PRKCH: variants seen among roughly 807,000 people sequenced by gnomAD.
The protein encoded by PRKCH is protein kinase C eta.
In PRKCH, 28 loss-of-function variants were observed where a neutral mutation model predicts 82.5. The observed-to-expected ratio is 0.34, with a 90% confidence interval of 0.25 to 0.47. PRKCH has a LOEUF of 0.47. Among genes scored for constraint, PRKCH ranks in the 20% least tolerant of loss-of-function variants. PRKCH has a pLI of 1.00. For missense variants in PRKCH, 705 were observed against 881.8 expected (o/e 0.80, Z 2.54); for synonymous variants, 322 against 327.4 (o/e 0.98, Z 0.18).
intron 10 of PRKCH, among the ~76,000 whole-genome samples, chr14:61,503,220 C>G (rs1886996559): frequency 6.6e-6 from 1 of 150,968 alleles, no homozygotes; most frequent in Admixed American, 6.6e-5. Flanking sequence ...TTCTCATTTG[C>G]AAATAGACAG....
At chr14:61,319,669 A>T (rs2045591919), upstream of PRKCH, among the ~76,000 whole-genome samples, 1 of 152,198 alleles carries the variant, frequency 6.6e-6, no homozygotes, top group Non-Finnish European at 1.5e-5. Flanking sequence ...GTGGCTCTTA[A>T]AGCTAGAGTT....
intron 1 of PRKCH, chr14:61,327,135 G>A (rs1321658507): frequency 2.2e-6 from 1 of 455,894 alleles, no homozygotes. Flanking sequence ...AAGACATTGT[G>A]TTCTCTGCAG....
intron 7 of PRKCH, among the ~76,000 whole-genome samples, chr14:61,454,160 G>A (rs191572398): frequency 6.6e-6 from 1 of 151,116 alleles, no homozygotes; most frequent in African/African-American, 2.4e-5. Flanking sequence ...CCAGCCTGGA[G>A]TGCAGTGATA....
chr14:61,240,648 G>A (rs969823768), intron 1 of PRKCH, among the ~76,000 whole-genome samples: 4 of 150,934 alleles, frequency 2.7e-5, no homozygotes, highest in Non-Finnish European at 4.4e-5. Context: ...AAGTTCCACC[G>A]AGAACCTTCA....
chr14:61,414,832 A>G (rs561213602), intron 2 of PRKCH, among the ~76,000 whole-genome samples: 26 of 152,276 alleles, frequency 1.7e-4, no homozygotes, highest in Admixed American at 7.8e-4. Flanking sequence ...ACTCTTGAAT[A>G]TGAAATGTTG....
At chr14:61,434,059 C>G (rs1325680931) in intron 2 of PRKCH, among the ~76,000 whole-genome samples, 1 of 152,154 alleles carries the variant, frequency 6.6e-6, no homozygotes, top group East Asian at 1.9e-4. Context: ...TACGTTGTTC[C>G]CTTACATTGC....
intron 1 of PRKCH, among the ~76,000 whole-genome samples, chr14:61,376,788 G>C (rs2046433210): frequency 6.6e-6 from 1 of 152,108 alleles, no homozygotes; most frequent in South Asian, 2.1e-4. Flanking sequence ...TTCTTAACTT[G>C]GCATCCAAAC....
At chr14:61,266,404 C>T (rs1057134681) in intron 1 of PRKCH, among the ~76,000 whole-genome samples, 7 of 151,872 alleles carry the variant, frequency 4.6e-5, no homozygotes, top group African/African-American at 1.5e-4. Flanking sequence ...GGCAACAGAG[C>T]GAGACTCCAT....
chr14:61,237,770 T>C (rs538650575), intron 1 of PRKCH, among the ~76,000 whole-genome samples: 4 of 152,352 alleles, frequency 2.6e-5, no homozygotes, highest in African/African-American at 9.6e-5. Flanking sequence ...TATTGATTGA[T>C]GTCTTAGTGT....
intron 1 of PRKCH, among the ~76,000 whole-genome samples, chr14:61,264,049 G>A (rs938174464): frequency 9.2e-5 from 14 of 152,100 alleles, no homozygotes; most frequent in South Asian, 4.2e-4. Context: ...ACCAGAGGCC[G>A]TGGAAACTGG....
chr14:61,317,134 C>T (rs1372864821), upstream of PRKCH, among the ~76,000 whole-genome samples: 3 of 152,128 alleles, frequency 2.0e-5, no homozygotes, highest in African/African-American at 7.2e-5. Context: ...TTAACTAAGG[C>T]CCATGCTTTT....
intron 1 of PRKCH, among the ~76,000 whole-genome samples, chr14:61,225,497 G>C (rs1439042440): frequency 1.3e-5 from 2 of 152,198 alleles, no homozygotes; most frequent in African/African-American, 4.8e-5. Flanking sequence ...AAGACACTGA[G>C]CGCAGAACAC....
chr14:61,272,677 G>GA (rs2045168564), intron 1 of PRKCH, among the ~76,000 whole-genome samples: 1 of 152,064 alleles, frequency 6.6e-6, no homozygotes, highest in African/African-American at 2.4e-5. Flanking sequence ...TTTTTGAAGT[G>GA]AATTGCATCT....
intron 12 of PRKCH, chr14:61,545,033 T>A (rs77954234): frequency 0.026 from 3,934 of 152,374 alleles, 117 homozygotes; most frequent in Admixed American, 0.096. Context: ...CATTTAAGAT[T>A]TATTCATCAC....
At chr14:61,220,551 A>C (rs1409849422) in intron 1 of PRKCH, among the ~76,000 whole-genome samples, 2 of 152,268 alleles carry the variant, frequency 1.3e-5, no homozygotes, top group Non-Finnish European at 2.9e-5. Flanking sequence ...AAGAGCCAAC[A>C]AGAAGACCAA....
intron 1 of PRKCH, chr14:61,279,983 G>C: frequency 1.0e-6 from 1 of 953,082 alleles, no homozygotes; most frequent in South Asian, 1.7e-5. Context: ...TTCACAAAGG[G>C]AGGAAAAGCT....
chr14:61,280,827 T>G lies in PRKCH; in HGVS notation c.-19+93159T>G, dbSNP rs2140092682. ...TGGTCAGCTCGTAGTAGAGGTACAC[T>G]GGGCCCTGGAAGAGCTCGGGCAGCG... On this transcript the variant is annotated intron_variant, in intron 1 of 3. Transcript: ENST00000555185. The surrounding 1 kb of genome is among the most constrained non-coding windows in gnomAD (Gnocchi z 5.0). 6.4e-7 allele frequency: 1 copy of G among 1,566,736 alleles called. No homozygotes were observed. The highest frequency in any genetic ancestry group is 1.2e-5 in the South Asian group (1 of 85,048).
chr14:61,309,230 C>A (rs1045799913), intron 1 of PRKCH, among the ~76,000 whole-genome samples: 1 of 152,056 alleles, frequency 6.6e-6, no homozygotes, highest in African/African-American at 2.4e-5. Context: ...TGCAGTGAGC[C>A]GTGATTGTGC....
At chr14:61,309,840 G>T (rs1436625719) in intron 1 of PRKCH, among the ~76,000 whole-genome samples, 1 of 152,154 alleles carries the variant, frequency 6.6e-6, no homozygotes, top group Admixed American at 6.5e-5. Flanking sequence ...ATGAAGAAAA[G>T]ATGTTTAATT....
Sources: gnomAD v4.1 joint callset for allele counts (sites outside exome capture counted in the v4.1 genomes callset) on GRCh38, gnomAD v4.1.1 for gene constraint, Gnocchi (gnomAD v3.1) non-coding constraint, MANE v1.5 for transcripts, NCBI Gene and HGNC (gene_info 2026-07-23, HGNC 2026-07-21) for gene names.